TRPC1: variants seen among roughly 807,000 people sequenced by gnomAD.
TRPC1 encodes short transient receptor potential channel 1.
TRPC1 carries 42 observed loss-of-function variants against 88.2 expected under a neutral mutation model. The ratio of observed to expected loss-of-function variants is 0.48; its 90% CI spans 0.37 to 0.62. The LOEUF (loss-of-function observed/expected upper bound fraction) is 0.62, where lower values mean the gene tolerates loss of function less well. Among genes scored for constraint, TRPC1 ranks in the 20% least tolerant of loss-of-function variants. The pLI, the probability that TRPC1 is intolerant of heterozygous loss-of-function variation, is 0.00. For missense variants in TRPC1, 699 were observed against 957.3 expected (o/e 0.73, Z 3.56); for synonymous variants, 288 against 331.8 (o/e 0.87, Z 1.43).
At chr3:142,781,090 G>GC in intron 6 of TRPC1, 61 bp downstream of exon 6, 1 of 1,404,580 alleles carries the variant, frequency 7.1e-7, no homozygotes, top group Non-Finnish European at 9.4e-7. Context: ...GTGGCTCAGG[G>GC]CAAAGGCTTT....
chr3:142,739,065 G>GGGTT (rs1329826203), intron 2 of TRPC1, among the ~76,000 whole-genome samples: 4 of 152,002 alleles, frequency 2.6e-5, no homozygotes, highest in African/African-American at 9.7e-5. Flanking sequence ...TCTGCCTCCT[G>GGGTT]GGTTCAAGCG....
chr3:142,745,580 GT>G (rs1934514789), intron 3 of TRPC1, among the ~76,000 whole-genome samples: 1 of 152,084 alleles, frequency 6.6e-6, no homozygotes, highest in South Asian at 2.1e-4. Context: ...GGAGGTGGAG[GT>G]TGCAGTGAGC....
chr3:142,771,522 T>C (rs1935577047), intron 4 of TRPC1, among the ~76,000 whole-genome samples: 1 of 152,176 alleles, frequency 6.6e-6, no homozygotes, highest in Non-Finnish European at 1.5e-5. Context: ...AAAATGTTAC[T>C]CCTATACATC....
intron 2 of TRPC1, among the ~76,000 whole-genome samples, chr3:142,740,304 T>C (rs1934299741): frequency 6.6e-6 from 1 of 152,210 alleles, no homozygotes. Flanking sequence ...AACATTAAGT[T>C]CAGAAGCTAA....
intron 4 of TRPC1, among the ~76,000 whole-genome samples, chr3:142,754,058 C>T (rs547591409): frequency 7.2e-6 from 1 of 139,180 alleles, no homozygotes; most frequent in South Asian, 2.2e-4. Context: ...ACACTCTACC[C>T]TAGCCTAAGT....
Position 142,784,837 on chromosome 3 carries a change from C to T in TRPC1, c.1094C>T (p.Ser365Leu). ...GTAGGCATCTTTTGGCCAGTTTTGT[C>T]ACTTTGTTATTTGATAGCTCCCAAA... ...LTVGIFWPVL[S>L]LCYLIAPKSQ... is the part of the protein sequence containing the mutation. The change falls in exon 7 of 13, where the codon TCA (serine) becomes TTA (leucine). Residue 365 changes from serine (S) to leucine (L), a missense_variant. Around this residue, in one of 4 missense-constraint regions of TRPC1, gnomAD observed 426 missense variants for 641.3 expected, o/e 0.66. Transcript: ENST00000476941. The T allele has an allele frequency of 6.2e-7, 1 of 1,614,152 alleles. No individual in the cohort carries two copies. The highest frequency in any genetic ancestry group is 1.1e-5 in the South Asian group (1 of 91,088).
chr3:142,725,678 C>T lies in TRPC1; in HGVS notation c.172+947C>T, dbSNP rs1352284591. Among the ~76,000 whole-genome samples the T allele has an allele frequency of 4.6e-5, 7 of 151,994 alleles. No individual in the cohort carries two copies. The East Asian group carries it at 1.4e-3, about 29-fold the overall frequency. On this transcript the variant is annotated intron_variant, in intron 1 of 12. Coordinates refer to ENST00000476941, the MANE Select transcript of TRPC1 (RefSeq NM_001251845.2). ...CTTTTTCCAAATTTATATGGCTGTACACTTAGGAAAACTCTGTTAGAAACA... is the reference window on the plus strand; with the variant it reads ...CTTTTTCCAAATTTATATGGCTGTATACTTAGGAAAACTCTGTTAGAAACA...
chr3:142,724,379 G>C lies in TRPC1; in HGVS notation c.-181G>C, dbSNP rs1933565895. On this transcript the variant is annotated 5_prime_UTR_variant, in exon 1 of 13. Coordinates refer to ENST00000476941, the MANE Select transcript of TRPC1 (RefSeq NM_001251845.2). The surrounding 1 kb of genome is among the most constrained non-coding windows in gnomAD (Gnocchi z 5.6). Reference sequence around the variant, plus strand: ...CCACCAACTTGGGGCTGTCAGTGGAGGGCGAGTGCTGGTTCTCAGGGGAGG... The same window carrying C: ...CCACCAACTTGGGGCTGTCAGTGGACGGCGAGTGCTGGTTCTCAGGGGAGG... 2 of 482,380 alleles carry C rather than the reference G, an allele frequency of 4.1e-6. No homozygotes were observed. The highest frequency in any genetic ancestry group is 6.9e-6 in the Non-Finnish European group (2 of 288,080). 29.9% of individuals were successfully genotyped at this position (482,380 alleles called of 1,614,324 possible). A position where few individuals can be genotyped will look rare whatever the true frequency, so the allele number is the denominator to read the frequency against.
At chr3:142,727,715 T>C (rs1019840928) in intron 1 of TRPC1, among the ~76,000 whole-genome samples, 3 of 152,218 alleles carry the variant, frequency 2.0e-5, no homozygotes, top group African/African-American at 7.2e-5. Flanking sequence ...TATACTCATG[T>C]TCTTTCTAGA....
In TRPC1 at chr3:142,743,551, C is replaced by T; in HGVS notation, c.394C>T (p.His132Tyr). Residue 132 changes from histidine (H) to tyrosine (Y), a missense_variant, in exon 3 of 13, where the codon CAT becomes TAT. His to Tyr is a moderately conservative substitution (Grantham distance 83). This residue lies in a region of TRPC1 where 426 missense variants were observed against 641.3 expected (regional missense o/e 0.66). Coordinates refer to ENST00000476941, the MANE Select transcript of TRPC1 (RefSeq NM_001251845.2). ...VVGAVDILLN[H>Y]RPKRSSRPTI... ...GGGAGCTGTTGATATACTACTTAAT[C>T]ATCGACCAAAACGATCATCAAGACC... 1 of 1,526,192 alleles carries T rather than the reference C, an allele frequency of 6.6e-7. No individual in the cohort carries two copies. The highest frequency in any genetic ancestry group is 1.2e-5 in the South Asian group (1 of 82,098). 94.5% of individuals were successfully genotyped at this position (1,526,192 alleles called of 1,614,324 possible).
rs1933585230 is a variant in TRPC1, at chr3:142,724,596, G to C, written c.37G>C (p.Gly13Arg). The C allele has an allele frequency of 6.2e-7, 1 of 1,602,226 alleles. No homozygotes were observed. The highest frequency in any genetic ancestry group is 1.1e-5 in the South Asian group (1 of 89,240). The change falls in exon 1 of 13, where the codon GGC becomes CGC. Residue 13 changes from glycine (G) to arginine (R), a missense_variant. Gly to Arg is a moderately radical substitution (Grantham distance 125). Around this residue, in one of 4 missense-constraint regions of TRPC1, gnomAD observed 157 missense variants for 127.0 expected, o/e 1.24. Coordinates refer to ENST00000476941, the MANE Select transcript of TRPC1 (RefSeq NM_001251845.2). This position sits in a 1 kb window ranked among gnomAD's most constrained non-coding sequence, Gnocchi z 5.6. ...CCTGTACCCGAGCACGGACCTCTCG[G>C]GCGCCTCCTCCTCCTCCCTGCCTTC... Reference protein sequence around the residue: ...AALYPSTDLSGASSSSLPSSP... With the variant: ...AALYPSTDLSRASSSSLPSSP...
chr3:142,736,776 C>T (rs1474978959), intron 2 of TRPC1, among the ~76,000 whole-genome samples: 4 of 151,902 alleles, frequency 2.6e-5, no homozygotes, highest in Non-Finnish European at 5.9e-5. Context: ...TTATCTTTTT[C>T]CTCCCAAATG....
chr3:142,731,125 A>AT lies in TRPC1; in HGVS notation c.173-5246dup, dbSNP rs112681013. 5.3e-4 allele frequency among the ~76,000 whole-genome samples: 81 copies of AT among 151,878 alleles called. 1 individual carries two copies. The highest frequency in any genetic ancestry group is 7.7e-4 in the African/African-American group (32 of 41,424). ...ACTCTGGTATTTTGTATACTAGTTC[A>AT]TTTTTTTTAAATTGCTGGTTAGGAC... On this transcript the variant is annotated intron_variant, in intron 1 of 12. Transcript: ENST00000476941.
chr3:142,765,116 G>A (rs968154188), intron 4 of TRPC1, among the ~76,000 whole-genome samples: 1 of 151,596 alleles, frequency 6.6e-6, no homozygotes, highest in Non-Finnish European at 1.5e-5. Flanking sequence ...TAACTCAGGA[G>A]GTAAAAAAAA....
intron 4 of TRPC1, among the ~76,000 whole-genome samples, chr3:142,758,091 A>C (rs1227052950): frequency 1.3e-5 from 2 of 152,092 alleles, no homozygotes; most frequent in Admixed American, 1.3e-4. Context: ...CTCATTAACC[A>C]TCCCCACCTT....
intron 4 of TRPC1, among the ~76,000 whole-genome samples, chr3:142,763,981 T>TATATATATATATATATAC (rs1162744315): frequency 1.9e-4 from 12 of 62,616 alleles, no homozygotes; most frequent in African/African-American, 3.2e-4. Flanking sequence ...TATATATATA[T>TATATATATATATATATAC]ATACACATAC....
intron 12 of TRPC1, among the ~76,000 whole-genome samples, chr3:142,805,796 T>C (rs899500046): frequency 6.6e-6 from 1 of 152,196 alleles, no homozygotes; most frequent in East Asian, 1.9e-4. Flanking sequence ...CTAATTTTTT[T>C]CAATCAAGAT....
rs200340451 is a variant in TRPC1, at chr3:142,748,464, A to T, written c.632+4A>T. 4.2e-5 allele frequency: 68 copies of T among 1,613,792 alleles called. No individual in the cohort carries two copies. The African/African-American group carries it at 8.4e-4, about 20-fold the overall frequency. ...AGGATAGCCTCCGGCATTCCAGGTT[A>T]GAACATTAAACTTTTGATAAATAGA... On this transcript the variant is annotated splice_donor_region_variant and intron_variant, in intron 4 of 12. Coordinates refer to ENST00000476941, the MANE Select transcript of TRPC1 (RefSeq NM_001251845.2).
At chr3:142,734,755 T>A (rs375522998) in intron 1 of TRPC1, among the ~76,000 whole-genome samples, 21 of 151,668 alleles carry the variant, frequency 1.4e-4, no homozygotes, top group African/African-American at 5.1e-4. Context: ...CTGGGCAACA[T>A]AGCGAGACCT....
Sources: gnomAD v4.1 joint callset for allele counts (sites outside exome capture counted in the v4.1 genomes callset) on GRCh38, gnomAD v4.1.1 for gene constraint, gnomAD v4.1.1 regional missense constraint, Gnocchi (gnomAD v3.1) non-coding constraint, MANE v1.5 for transcripts, NCBI Gene and HGNC (gene_info 2026-07-23, HGNC 2026-07-21) for gene names.